Variants in RPS6KA2 observed in about 807,000 individuals in gnomAD.
RPS6KA2 encodes ribosomal protein S6 kinase A2, also known as ribosomal protein S6 kinase alpha-2.
Under a neutral mutation model 91.8 loss-of-function variants are expected in RPS6KA2, and 42 were observed. The ratio of observed to expected loss-of-function variants is 0.46; its 90% CI spans 0.36 to 0.59. The LOEUF is 0.59. RPS6KA2 is among the 20% of genes least tolerant of loss of function. RPS6KA2 has a pLI of 0.00. For synonymous variants in RPS6KA2, 414 were observed against 393.6 expected, an observed-to-expected ratio of 1.05 and a Z score of -0.61; for missense variants, 798 against 978.5, an observed-to-expected ratio of 0.82 and a Z score of 2.46.
At chr6:166,586,910 C>T (rs1217375190) in intron 1 of RPS6KA2, among the ~76,000 whole-genome samples, 1 of 152,224 alleles carries the variant, frequency 6.6e-6, no homozygotes, top group Non-Finnish European at 1.5e-5. Flanking sequence ...GTGGGGACTA[C>T]ATTACCCAGC....
chr6:166,431,171 G>A (rs1156565926), intron 15 of RPS6KA2, among the ~76,000 whole-genome samples: 2 of 152,104 alleles, frequency 1.3e-5, no homozygotes, highest in African/African-American at 4.8e-5. Context: ...CAAGTGATCC[G>A]CCTGCCTCAG....
chr6:166,657,595 T>G (rs958768372), intron 2 of RPS6KA2, among the ~76,000 whole-genome samples: 1 of 152,044 alleles, frequency 6.6e-6, no homozygotes, highest in African/African-American at 2.4e-5. Context: ...TAGGAAGTTG[T>G]AGGAAGGTTC....
chr6:166,474,921 G>A (rs541768833), intron 10 of RPS6KA2, among the ~76,000 whole-genome samples: 4 of 152,314 alleles, frequency 2.6e-5, no homozygotes, highest in Admixed American at 6.5e-5. Flanking sequence ...GCTTCATCCC[G>A]GAGCCTACCC....
intron 19 of RPS6KA2, among the ~76,000 whole-genome samples, chr6:166,414,169 C>A (rs1778418507): frequency 6.6e-6 from 1 of 152,156 alleles, no homozygotes. Flanking sequence ...TTAAATATTT[C>A]ATGTCTAAAA....
At chr6:166,719,258 A>G (rs1007416924) in intron 2 of RPS6KA2, among the ~76,000 whole-genome samples, 6 of 152,250 alleles carry the variant, frequency 3.9e-5, no homozygotes, top group Admixed American at 3.3e-4. Context: ...TGTTAATTAC[A>G]TTATTCATCT....
chr6:166,779,570 C>G (rs937896734), intron 2 of RPS6KA2, among the ~76,000 whole-genome samples: 12 of 152,190 alleles, frequency 7.9e-5, no homozygotes, highest in Admixed American at 7.8e-4. Flanking sequence ...ACCAGTAACC[C>G]ATGTGCCGGA....
Position 166,635,738 on chromosome 6 carries a change from C to T in RPS6KA2, c.124-96954G>A, listed in dbSNP as rs767597073. 8.6e-5 allele frequency among the ~76,000 whole-genome samples: 13 copies of T among 152,042 alleles called. No individual in the cohort carries two copies. The highest frequency in any genetic ancestry group is 1.9e-4 in the African/African-American group (8 of 41,392). ...TCACCTGGGTGTGTCTGCAGAAGGA[C>T]GTTCAACTCTGAGCCTGCCCACCTA... On this transcript the variant is annotated intron_variant, in intron 2 of 21. Coordinates refer to the RPS6KA2 transcript ENST00000503859. The surrounding 1 kb of genome is among the most constrained non-coding windows in gnomAD (Gnocchi z 4.8).
At chr6:166,480,242 CTTGAGAGGTAA>C (rs1781141491) in intron 10 of RPS6KA2, among the ~76,000 whole-genome samples, 1 of 151,878 alleles carries the variant, frequency 6.6e-6, no homozygotes, top group African/African-American at 2.4e-5. Context: ...TCTGTGCTAA[CTTGAGAGGTAA>C]AAATGGGCTA....
chr6:166,764,878 A>G (rs1778268809), intron 2 of RPS6KA2, among the ~76,000 whole-genome samples: 1 of 152,194 alleles, frequency 6.6e-6, no homozygotes, highest in South Asian at 2.1e-4. Context: ...GTGTTCACAC[A>G]CATGTGTATC....
chr6:166,550,838 T>TAAA (rs549938648), intron 1 of RPS6KA2, among the ~76,000 whole-genome samples: 6 of 151,568 alleles, frequency 4.0e-5, no homozygotes, highest in Non-Finnish European at 8.8e-5. Flanking sequence ...CCGTCTCTAC[T>TAAA]AAAATACAAA....
At chr6:166,808,745 C>T (rs1343285459) in intron 2 of RPS6KA2, among the ~76,000 whole-genome samples, 1 of 152,136 alleles carries the variant, frequency 6.6e-6, no homozygotes, top group Non-Finnish European at 1.5e-5. Flanking sequence ...GGGGTAGGAG[C>T]ACACTTTAGC....
At chr6:166,698,695 C>A (rs912752274) in intron 2 of RPS6KA2, among the ~76,000 whole-genome samples, 1 of 152,122 alleles carries the variant, frequency 6.6e-6, no homozygotes, top group African/African-American at 2.4e-5. Context: ...GTAGTTACTG[C>A]CTCTCTGTTG....
intron 11 of RPS6KA2, among the ~76,000 whole-genome samples, chr6:166,467,373 A>G (rs1583172623): frequency 6.6e-6 from 1 of 152,214 alleles, no homozygotes; most frequent in East Asian, 1.9e-4. Flanking sequence ...GTGGCAGGAG[A>G]CAGAAAATAA....
At chr6:166,792,909 G>T in intron 2 of RPS6KA2, among the ~76,000 whole-genome samples, 1 of 140,390 alleles carries the variant, frequency 7.1e-6, no homozygotes. Context: ...TACTGAATGG[G>T]CAAAAACTGG....
intron 2 of RPS6KA2, among the ~76,000 whole-genome samples, chr6:166,723,165 G>A (rs1032078166): frequency 2.6e-5 from 4 of 152,248 alleles, no homozygotes; most frequent in African/African-American, 7.2e-5. Context: ...GCTGGGGCTG[G>A]CAGGCTTGGG....
At chr6:166,680,083 ACT>A (rs1301443761) in intron 2 of RPS6KA2, among the ~76,000 whole-genome samples, 1 of 152,038 alleles carries the variant, frequency 6.6e-6, no homozygotes, top group Admixed American at 6.6e-5. Context: ...ACCAATCAGC[ACT>A]CTGTGTCTAG....
intron 1 of RPS6KA2, among the ~76,000 whole-genome samples, chr6:166,573,889 G>T (rs897854371): frequency 6.6e-6 from 1 of 152,152 alleles, no homozygotes; most frequent in Non-Finnish European, 1.5e-5. Flanking sequence ...AGCTCCTCAC[G>T]CATGTGAAGG....
At chr6:166,487,816 G>C (rs767896037) in intron 10 of RPS6KA2, among the ~76,000 whole-genome samples, 8 of 152,196 alleles carry the variant, frequency 5.3e-5, no homozygotes, top group Non-Finnish European at 1.2e-4. Context: ...TAAGATCACA[G>C]TTATACTTCA....
At chr6:166,655,670 T>G (rs1432141238) in intron 2 of RPS6KA2, among the ~76,000 whole-genome samples, 7 of 152,340 alleles carry the variant, frequency 4.6e-5, no homozygotes, top group Non-Finnish European at 1.0e-4. Flanking sequence ...GCATATGTCT[T>G]TCTTGTTATA....
Sources: allele counts gnomAD v4.1 joint callset (sites outside exome capture counted in the v4.1 genomes callset), GRCh38; gene constraint gnomAD v4.1.1; non-coding constraint Gnocchi (gnomAD v3.1); transcripts MANE v1.5; gene names NCBI Gene and HGNC (gene_info 2026-07-23, HGNC 2026-07-21).